The following PON2 variants were observed in gnomAD, a reference collection of about 807,000 sequenced individuals.
The protein encoded by PON2 is serum paraoxonase/arylesterase 2.
In PON2, 27 loss-of-function variants were observed where a neutral mutation model predicts 36.6. That is an observed-to-expected ratio of 0.74 (90% CI 0.54 to 1.02). The LOEUF is 1.02. PON2 is among the 50% of genes least tolerant of loss of function. The pLI is 0.00. For missense variants in PON2, 363 were observed against 421.1 expected, an observed-to-expected ratio of 0.86 and a Z score of 1.21; for synonymous variants, 149 against 156.3, an observed-to-expected ratio of 0.95 and a Z score of 0.35.
chr7:95,412,595 C>T (rs1466713629), intron 3 of PON2, 118 bp from the exon 4 acceptor site: 3 of 970,820 alleles, frequency 3.1e-6, no homozygotes, highest in Non-Finnish European at 4.7e-6. Flanking sequence ...CATAAAGCCA[C>T]AAAAACTCAA....
intron 3 of PON2, among the ~76,000 whole-genome samples, chr7:95,414,221 C>G (rs763211951): frequency 9.9e-5 from 15 of 152,060 alleles, no homozygotes; most frequent in Non-Finnish European, 2.2e-4. Flanking sequence ...CAACCCATAA[C>G]TGTAAAATAG....
chr7:95,426,965 T>C (rs557468954), intron 1 of PON2, among the ~76,000 whole-genome samples: 2 of 152,326 alleles, frequency 1.3e-5, no homozygotes, highest in African/African-American at 2.4e-5. Context: ...AAGTTTAATA[T>C]GGGGTTCCTG....
chr7:95,416,723 T>C (rs1487984668), intron 2 of PON2, among the ~76,000 whole-genome samples: 4 of 152,248 alleles, frequency 2.6e-5, no homozygotes, highest in Non-Finnish European at 5.9e-5. Context: ...AACAGACATC[T>C]TTCTCATTAA....
At chr7:95,411,932 C>T (rs1465105936) in intron 4 of PON2, among the ~76,000 whole-genome samples, 153 bp from the exon 5 acceptor site, 1 of 152,138 alleles carries the variant, frequency 6.6e-6, no homozygotes, top group African/African-American at 2.4e-5. Context: ...CTATTGCTGT[C>T]CGTCTGGTGT....
At chr7:95,415,964 A>C (rs962972487) in intron 3 of PON2, 2 of 539,082 alleles carry the variant, frequency 3.7e-6, no homozygotes, top group Non-Finnish European at 6.2e-6. Flanking sequence ...AAAAATAAAA[A>C]AAATTAAAAA....
chr7:95,431,057 AAGCCTCATGATTC>A (rs1789430252), intron 1 of PON2, among the ~76,000 whole-genome samples: 1 of 152,178 alleles, frequency 6.6e-6, no homozygotes, highest in Non-Finnish European at 1.5e-5. Flanking sequence ...TGATGCACTC[AAGCCTCATGATTC>A]ATCCATGGCT....
chr7:95,433,789 T>C (rs1789498054), intron 1 of PON2, among the ~76,000 whole-genome samples: 1 of 152,236 alleles, frequency 6.6e-6, no homozygotes, highest in African/African-American at 2.4e-5. Flanking sequence ...CATGCTCATA[T>C]GTGTTGCACC....
chr7:95,430,113 G>C (rs1242511381), intron 1 of PON2, among the ~76,000 whole-genome samples: 1 of 152,070 alleles, frequency 6.6e-6, no homozygotes, highest in Non-Finnish European at 1.5e-5. Flanking sequence ...CTGGATGAAG[G>C]CATAAAAGTA....
chr7:95,412,186 A>G, intron 4 of PON2, 126 bp downstream of exon 4: 1 of 1,288,430 alleles, frequency 7.8e-7, no homozygotes. Context: ...TTTGTAATGA[A>G]GAATACAGAA....
intron 1 of PON2, among the ~76,000 whole-genome samples, chr7:95,433,684 T>C (rs1243015922): frequency 1.3e-5 from 2 of 152,226 alleles, no homozygotes; most frequent in East Asian, 1.9e-4. Context: ...CTCCTGACTT[T>C]ATGCTCCCTT....
chr7:95,422,098 A>G (rs1248908867), intron 2 of PON2, among the ~76,000 whole-genome samples: 1 of 152,248 alleles, frequency 6.6e-6, no homozygotes, highest in African/African-American at 2.4e-5. Flanking sequence ...TGATTTGTTC[A>G]TAGTTGCAAA....
At chr7:95,413,754 T>C (rs967676486) in intron 3 of PON2, among the ~76,000 whole-genome samples, 1 of 152,170 alleles carries the variant, frequency 6.6e-6, no homozygotes, top group African/African-American at 2.4e-5. Flanking sequence ...AGGCACACAA[T>C]AAAAAAGTCT....
At chr7:95,430,528 G>A (rs1241668351) in intron 1 of PON2, among the ~76,000 whole-genome samples, 4 of 152,026 alleles carry the variant, frequency 2.6e-5, no homozygotes, top group African/African-American at 4.8e-5. Flanking sequence ...TTGAACTCCC[G>A]ACCTCAGGTA....
intron 2 of PON2, among the ~76,000 whole-genome samples, chr7:95,417,727 C>CACACACACACACACACACACACACT (rs1562788872): frequency 4.1e-4 from 33 of 80,264 alleles, no homozygotes; most frequent in African/African-American, 1.7e-3. Context: ...ACACACACAC[C>CACACACACACACACACACACACACT]GAGAGAGAAT....
intron 1 of PON2, among the ~76,000 whole-genome samples, chr7:95,431,830 CAATG>C (rs1789449400): frequency 6.6e-6 from 1 of 150,402 alleles, no homozygotes. Context: ...TTGAGATAAA[CAATG>C]AATGATATTT....
Position 95,412,163 on chromosome 7 carries a change from A to T in PON2, c.367+149T>A, listed in dbSNP as rs1788942329. On this transcript the variant is annotated intron_variant, in intron 4 of 8. Coordinates refer to ENST00000222572, the MANE Select transcript of PON2 (RefSeq NM_000305.3). The stretch of plus-strand genomic sequence containing the variant: ...TAACTTACTGCCAGCTGAAGAGGCA[A>T]ATGAACAAGTTCTTTGTAATGAAGA... 1.4e-5 allele frequency: 15 copies of T among 1,106,988 alleles called. 1 individual carries two copies. The South Asian group carries it at 1.9e-4, about 14-fold the overall frequency. The allele number at this position is 1,106,988 out of a possible 1,614,324, so 68.6% of individuals were successfully genotyped here.
At position 95,410,636 on chromosome 7, in the gene PON2, T is replaced by A. The variant is rs17876147; in HGVS notation, c.495-535A>T. Among the ~76,000 whole-genome samples the A allele has an allele frequency of 1.4e-3, 208 of 152,306 alleles. 3 individuals are homozygous for A. The highest frequency in any genetic ancestry group is 4.8e-3 in the African/African-American group (201 of 41,566). On this transcript the variant is annotated intron_variant, in intron 5 of 8. Coordinates refer to ENST00000222572, the MANE Select transcript of PON2 (RefSeq NM_000305.3). The stretch of plus-strand genomic sequence containing the variant: ...GAATGAACAGGCACTCAATAAACAC[T>A]TGCAGAGAGATGGATGATAAAATTG...
chr7:95,410,976 A>G (rs1390860348), intron 5 of PON2, among the ~76,000 whole-genome samples: 1 of 152,162 alleles, frequency 6.6e-6, no homozygotes, highest in African/African-American at 2.4e-5. Flanking sequence ...TAGATAGGCA[A>G]TATTTTTAAT....
At chr7:95,426,508 A>G (rs1172993099) in intron 1 of PON2, among the ~76,000 whole-genome samples, 1 of 152,242 alleles carries the variant, frequency 6.6e-6, no homozygotes, top group African/African-American at 2.4e-5. Flanking sequence ...CAATTTTCCC[A>G]CGGCGCAACT....
Sources: gnomAD v4.1 joint callset for allele counts (sites outside exome capture counted in the v4.1 genomes callset) on GRCh38, gnomAD v4.1.1 for gene constraint, MANE v1.5 for transcripts, NCBI Gene and HGNC (gene_info 2026-07-23, HGNC 2026-07-21) for gene names.